The following TFEB variants were observed in gnomAD, a reference collection of about 807,000 sequenced individuals.
TFEB encodes the protein transcription factor EB.
In TFEB, 12 loss-of-function variants were observed where a neutral mutation model predicts 48.0. The ratio of observed to expected loss-of-function variants is 0.25; its 90% CI spans 0.16 to 0.40. The LOEUF is 0.40. Among genes scored for constraint, TFEB ranks in the 10% least tolerant of loss-of-function variants. The pLI is 1.00. For synonymous variants in TFEB, 244 were observed against 261.4 expected (o/e 0.93, Z 0.64); for missense variants, 509 against 640.3 (o/e 0.79, Z 2.21).
chr6:41,714,267 G>A (rs1020046503), intron 1 of TFEB, among the ~76,000 whole-genome samples: 3 of 152,196 alleles, frequency 2.0e-5, no homozygotes, highest in African/African-American at 4.8e-5. Context: ...CCCCTACTCT[G>A]AGAAATCACT....
intron 1 of TFEB, chr6:41,705,598 G>A (rs1224013257): frequency 6.6e-6 from 1 of 152,418 alleles, no homozygotes; most frequent in Non-Finnish European, 1.5e-5. Context: ...AGAGGTGACA[G>A]CTCTCAACTC....
chr6:41,714,016 C>T (rs534617995), intron 1 of TFEB, among the ~76,000 whole-genome samples: 14 of 152,370 alleles, frequency 9.2e-5, no homozygotes, highest in African/African-American at 3.4e-4. Flanking sequence ...TCTGGGAGCA[C>T]CTCAGCTCCG....
At position 41,730,862 on chromosome 6, in the gene TFEB, G is replaced by A. The variant is rs1018231763; in HGVS notation, c.-23+4488C>T. ...AGGGAAACCCAAGTGGCAGGGCAGG[G>A]GTGGTAGAGATGCCTCAGGCATTGC... On this transcript the variant is annotated intron_variant, in intron 1 of 8. Coordinates refer to ENST00000373033, the MANE Select transcript of TFEB (RefSeq NM_001271944.2). The surrounding 1 kb of genome is among the most constrained non-coding windows in gnomAD (Gnocchi z 4.1). Among the ~76,000 whole-genome samples, 4 of 152,174 alleles carry A rather than the reference G, an allele frequency of 2.6e-5. No homozygotes were observed. The highest frequency in any genetic ancestry group is 5.9e-5 in the Non-Finnish European group (4 of 68,016).
chr6:41,697,753 G>A (rs1424219795), intron 1 of TFEB, among the ~76,000 whole-genome samples: 1 of 152,198 alleles, frequency 6.6e-6, no homozygotes, highest in Non-Finnish European at 1.5e-5. Context: ...TCCAGTTATA[G>A]GATAGTTAAA....
Position 41,698,816 on chromosome 6 carries a change from A to G in TFEB, c.-22-7581T>C, listed in dbSNP as rs62396723. 5.3e-3 allele frequency among the ~76,000 whole-genome samples: 814 copies of G among 152,228 alleles called. 2 individuals carry two copies. Among genetic ancestry groups the G allele is most frequent in the Non-Finnish European group, 8.5e-3 (580 of 68,004 alleles). ...AAGGGAAGAGAGAAAAAAATACCAA[A>G]CTTGGGATTTTTCTCAGCCCCCTCT... On this transcript the variant is annotated intron_variant, in intron 1 of 8. Transcript: ENST00000373033.
rs911808677 is a variant in TFEB, at chr6:41,734,271, T to C, written c.-23+1079A>G. ...GGCGGGGGCCTGGGCCCAGCGGGGT[T>C]CGCGCAGACAAGCCCCGCCCCGGGC... is the stretch of plus-strand genomic sequence containing the variant. On this transcript the variant is annotated intron_variant, in intron 1 of 8. Coordinates refer to ENST00000373033, the MANE Select transcript of TFEB (RefSeq NM_001271944.2). The surrounding 1 kb of genome is among the most constrained non-coding windows in gnomAD (Gnocchi z 4.0). 1 of 859,800 alleles carries C rather than the reference T, an allele frequency of 1.2e-6. No individual in the cohort carries two copies. Among genetic ancestry groups the C allele is most frequent in the African/African-American group, 1.8e-5 (1 of 54,480 alleles). The allele number at this position is 859,800 out of a possible 1,614,324, so 53.3% of individuals were successfully genotyped here. A position where few individuals can be genotyped will look rare whatever the true frequency, so the allele number is the denominator to read the frequency against.
Position 41,691,660 on chromosome 6 carries a change from T to A in TFEB, c.-22-425A>T, listed in dbSNP as rs1044776765. On this transcript the variant is annotated intron_variant, in intron 1 of 8. Transcript: ENST00000373033. This position sits in a 1 kb window ranked among gnomAD's most constrained non-coding sequence, Gnocchi z 5.2. ...CAGTGTTCAGACTGCCTCCTCTGGC[T>A]TGCCCTAGGACGTTCTACTGGCAAC... 1.3e-5 allele frequency among the ~76,000 whole-genome samples: 2 copies of A among 152,134 alleles called. No individual in the cohort carries two copies. The highest frequency in any genetic ancestry group is 4.8e-5 in the African/African-American group (2 of 41,410).
At chr6:41,685,184 C>T in intron 8 of TFEB, 106 bp from the exon 9 acceptor site, 1 of 1,305,352 alleles carries the variant, frequency 7.7e-7, no homozygotes, top group Non-Finnish European at 9.9e-7. Flanking sequence ...CCTACGGCAC[C>T]CAAGACCCAA....
chr6:41,692,983 C>G (rs1049976744), intron 1 of TFEB, among the ~76,000 whole-genome samples: 4 of 152,240 alleles, frequency 2.6e-5, no homozygotes, highest in African/African-American at 9.6e-5. Context: ...AGTAAACGGT[C>G]TCTGCTTCAG....
At chr6:41,701,806 G>A (rs1487717840) in intron 1 of TFEB, among the ~76,000 whole-genome samples, 3 of 152,096 alleles carry the variant, frequency 2.0e-5, no homozygotes, top group East Asian at 1.9e-4. Context: ...TTAGCCAGGC[G>A]CGGTGGCACA....
At chr6:41,733,122 G>T in intron 1 of TFEB, 1 of 895,388 alleles carries the variant, frequency 1.1e-6, no homozygotes. Context: ...CCAAGAGCTA[G>T]ACCCTCAAAG....
chr6:41,694,158 T>G (rs953187927), intron 1 of TFEB, among the ~76,000 whole-genome samples: 4 of 152,334 alleles, frequency 2.6e-5, no homozygotes, highest in Non-Finnish European at 1.5e-5. Flanking sequence ...TCGCGTGGAC[T>G]GGAGCTGGCT....
intron 1 of TFEB, among the ~76,000 whole-genome samples, chr6:41,701,016 C>T (rs1412509694): frequency 6.6e-6 from 1 of 152,244 alleles, no homozygotes; most frequent in African/African-American, 2.4e-5. Flanking sequence ...CTAATAGGAA[C>T]ATGAAAGGAG....
chr6:41,691,499 A>G lies in TFEB; in HGVS notation c.-22-264T>C, dbSNP rs1238328934. On this transcript the variant is annotated intron_variant, in intron 1 of 8. Transcript: ENST00000373033. This position sits in a 1 kb window ranked among gnomAD's most constrained non-coding sequence, Gnocchi z 5.2. The stretch of plus-strand genomic sequence containing the variant: ...CAGTTGGTAAATCCCAAACTCTAAG[A>G]GTCAACTTCCACTCCTCTCTGTGTC... 1 of 664,130 alleles carries G rather than the reference A, an allele frequency of 1.5e-6. No homozygotes were observed. Among genetic ancestry groups the G allele is most frequent in the Non-Finnish European group, 2.8e-6 (1 of 356,010 alleles). 41.1% of individuals were successfully genotyped at this position (664,130 alleles called of 1,614,324 possible). A position where few individuals can be genotyped will look rare whatever the true frequency, so the allele number is the denominator to read the frequency against.
At position 41,723,247 on chromosome 6, in the gene TFEB, C is replaced by T. The variant is rs765406292; in HGVS notation, c.-23+12103G>A. Among the ~76,000 whole-genome samples, 5 of 151,838 alleles carry T rather than the reference C, an allele frequency of 3.3e-5. No homozygotes were observed. Among genetic ancestry groups the T allele is most frequent in the African/African-American group, 1.2e-4 (5 of 41,306 alleles). On this transcript the variant is annotated intron_variant, in intron 1 of 8. Transcript: ENST00000373033. This position sits in a 1 kb window ranked among gnomAD's most constrained non-coding sequence, Gnocchi z 6.0. ...ATTCTTTCCCTCACCCCAGCCTTGG[C>T]CATGCTCAGAGACCCCCACCCCTCC... is the stretch of plus-strand genomic sequence containing the variant.
chr6:41,723,450 T>C lies in TFEB; in HGVS notation c.-23+11900A>G, dbSNP rs966435016. 1.5e-5 allele frequency: 19 copies of C among 1,262,436 alleles called. No homozygotes were observed. The Admixed American group carries it at 4.5e-4, about 30-fold the overall frequency. The allele number at this position is 1,262,436 out of a possible 1,614,324, so 78.2% of individuals were successfully genotyped here. Reference sequence around the variant, plus strand: ...ACACACTCACACACATGCACGCGTGTGCTCTCATACCTTCGAGAGGGCAGC... The same window carrying C: ...ACACACTCACACACATGCACGCGTGCGCTCTCATACCTTCGAGAGGGCAGC... On this transcript the variant is annotated intron_variant, in intron 1 of 8. Transcript: ENST00000373033. The surrounding 1 kb of genome is among the most constrained non-coding windows in gnomAD (Gnocchi z 6.0).
rs1158210476 is a variant in TFEB, at chr6:41,735,487, C to T, written c.-160G>A. 3.0e-6 allele frequency: 3 copies of T among 984,586 alleles called. No homozygotes were observed. The highest frequency in any genetic ancestry group is 3.6e-6 in the Non-Finnish European group (3 of 829,744). The allele number at this position is 984,586 out of a possible 1,614,324, so 61.0% of individuals were successfully genotyped here. A position where few individuals can be genotyped will look rare whatever the true frequency, so the allele number is the denominator to read the frequency against. Reference sequence around the variant, plus strand: ...CCGGCCCCGTGCCACCAGGGAGGCCCGCCCCGTCCGCCCTTCCCGCCGCCG... The same window carrying T: ...CCGGCCCCGTGCCACCAGGGAGGCCTGCCCCGTCCGCCCTTCCCGCCGCCG... On this transcript the variant is annotated 5_prime_UTR_variant, in exon 1 of 9. Transcript: ENST00000373033.
At chr6:41,733,586 G>C in intron 1 of TFEB, 2 of 984,910 alleles carry the variant, frequency 2.0e-6, no homozygotes, top group Non-Finnish European at 2.4e-6. Context: ...CCGCGGCCAG[G>C]AGGCAGACGG....
At chr6:41,697,250 A>C (rs1274120276) in intron 1 of TFEB, among the ~76,000 whole-genome samples, 1 of 151,900 alleles carries the variant, frequency 6.6e-6, no homozygotes, top group Non-Finnish European at 1.5e-5. Context: ...TCTACTAAAA[A>C]TACAAAAATT....
Sources: allele counts gnomAD v4.1 joint callset (sites outside exome capture counted in the v4.1 genomes callset), GRCh38; gene constraint gnomAD v4.1.1; non-coding constraint Gnocchi (gnomAD v3.1); transcripts MANE v1.5; gene names NCBI Gene and HGNC (gene_info 2026-07-23, HGNC 2026-07-21).